Variants in HPF1 observed in about 807,000 individuals in gnomAD.
HPF1 encodes UPF0609 protein C4orf27.
A neutral mutation model predicts 38.8 loss-of-function variants in HPF1; 35 were observed. The ratio of observed to expected loss-of-function variants is 0.90; its 90% CI spans 0.69 to 1.19. The LOEUF is 1.19. HPF1 is among the 50% of genes most tolerant of loss of function. HPF1 has a pLI of 0.00. For missense variants in HPF1, 367 were observed against 405.8 expected (o/e 0.90, Z 0.82); for synonymous variants, 115 against 139.2 (o/e 0.83, Z 1.22).
intron 6 of HPF1, among the ~76,000 whole-genome samples, chr4:169,733,928 A>T (rs1733862637): frequency 6.6e-6 from 1 of 151,372 alleles, no homozygotes; most frequent in African/African-American, 2.4e-5. Context: ...CAAGGATGGT[A>T]TTAAAAATAT....
chr4:169,748,931 C>T, intron 3 of HPF1, 89 bp from the exon 4 acceptor site: 1 of 617,866 alleles, frequency 1.6e-6, no homozygotes, highest in Non-Finnish European at 2.9e-6. Context: ...CAACAATTTA[C>T]ACCTATTTTT....
rs142457813 is a variant in HPF1 at position 169,754,596 on chromosome 4, G to A, written c.49-761C>T. Among the ~76,000 whole-genome samples the A allele has an allele frequency of 4.0e-5, 6 of 151,736 alleles. No homozygotes were observed. The East Asian group carries it at 7.7e-4, about 20-fold the overall frequency. ...GACAATATGCTTAATTGGAAGTTACGTATGTTTAGTTTTCTAAGCAGCAAT... is the reference window on the plus strand; with the variant it reads ...GACAATATGCTTAATTGGAAGTTACATATGTTTAGTTTTCTAAGCAGCAAT... On this transcript the variant is annotated intron_variant, in intron 1 of 7. Transcript: ENST00000393381.
At chr4:169,750,841 C>A (rs1441140290) in intron 2 of HPF1, 116 bp from the exon 3 acceptor site, 3 of 733,528 alleles carry the variant, frequency 4.1e-6, no homozygotes, top group Admixed American at 3.0e-5. Flanking sequence ...CTAAAAAAAT[C>A]TTGAGTTATG....
chr4:169,744,675 A>G (rs1385750338), intron 4 of HPF1, among the ~76,000 whole-genome samples: 5 of 152,238 alleles, frequency 3.3e-5, no homozygotes, highest in African/African-American at 1.2e-4. Context: ...TCACAGTGGT[A>G]TTACAAGTTT....
At chr4:169,747,532 A>G (rs1200704739) in intron 4 of HPF1, among the ~76,000 whole-genome samples, 1 of 152,196 alleles carries the variant, frequency 6.6e-6, no homozygotes, top group East Asian at 1.9e-4. Flanking sequence ...AAGATAATCT[A>G]CTTGTATTTG....
At chr4:169,740,976 T>C (rs1164326205) in intron 5 of HPF1, among the ~76,000 whole-genome samples, 1 of 152,226 alleles carries the variant, frequency 6.6e-6, no homozygotes, top group Non-Finnish European at 1.5e-5. Flanking sequence ...AGTCACAAAG[T>C]GGAAGAAGCT....
intron 6 of HPF1, among the ~76,000 whole-genome samples, chr4:169,735,076 G>A (rs1733875116): frequency 6.8e-6 from 1 of 147,134 alleles, no homozygotes; most frequent in African/African-American, 2.5e-5. Flanking sequence ...ACAGTGAGCT[G>A]ACACCCTACC....
At chr4:169,738,463 T>TAAAA in intron 5 of HPF1, among the ~76,000 whole-genome samples, 1 of 152,150 alleles carries the variant, frequency 6.6e-6, no homozygotes, top group Admixed American at 6.5e-5. Context: ...ATTCCACTTC[T>TAAAA]TTGTGCAATT....
At chr4:169,743,426 T>C (rs1369971825) in intron 4 of HPF1, among the ~76,000 whole-genome samples, 2 of 148,428 alleles carry the variant, frequency 1.3e-5, no homozygotes, top group Non-Finnish European at 3.0e-5. Context: ...TTTTTTTTTT[T>C]TTTTTTTTCA....
intron 2 of HPF1, among the ~76,000 whole-genome samples, chr4:169,752,571 T>A (rs1326124398): frequency 6.6e-6 from 1 of 152,100 alleles, no homozygotes. Flanking sequence ...GTACTCTCTC[T>A]CCCCCATGCT....
intron 6 of HPF1, among the ~76,000 whole-genome samples, chr4:169,732,919 A>G (rs1733848522): frequency 1.3e-5 from 2 of 152,144 alleles, no homozygotes; most frequent in South Asian, 4.1e-4. Context: ...TTCTACACCA[A>G]CTTATTTGAG....
rs140726526 is a variant in HPF1 at position 169,739,953 on chromosome 4, G to T, written c.648+2004C>A. Among the ~76,000 whole-genome samples, 892 of 152,328 alleles carry T rather than the reference G, an allele frequency of 5.9e-3. 7 individuals carry two copies. The highest frequency in any genetic ancestry group is 0.021 in the African/African-American group (853 of 41,568). ...TAATATGTTCAGATTTTTCACAGAT[G>T]ATTACCTGTACTAATTGTCCATGAA... On this transcript the variant is annotated intron_variant, in intron 5 of 7. Transcript: ENST00000393381.
chr4:169,741,875 G>C, intron 5 of HPF1, 82 bp downstream of exon 5: 1 of 1,151,130 alleles, frequency 8.7e-7, no homozygotes, highest in Non-Finnish European at 1.3e-6. Flanking sequence ...GGGAAGAGAA[G>C]GGTAAAGTAG....
chr4:169,731,610 G>C (rs1733828924), intron 7 of HPF1, 94 bp downstream of exon 7: 1 of 921,102 alleles, frequency 1.1e-6, no homozygotes, highest in Non-Finnish European at 1.6e-6. Flanking sequence ...GAATTTGGGG[G>C]TATAAATGTG....
In HPF1 at chr4:169,731,743, C is replaced by T; in HGVS notation, c.870G>A (p.Gly290=). 3 of 1,583,328 alleles carry T rather than the reference C, an allele frequency of 1.9e-6. No individual in the cohort carries two copies. Among genetic ancestry groups the T allele is most frequent in the Non-Finnish European group, 1.7e-6 (2 of 1,169,216 alleles). The part of the protein sequence containing the change: ...FANDECDYGM[G]LELGMDLFCY... ...AAAAGAGATCCATTCCCAATTCAAG[C>T]CCCATGCCATAATCACATTCATCAT... The change falls in exon 7 of 8, where the codon GGG becomes GGA. Residue 290 remains glycine (G), a synonymous_variant. Coordinates refer to ENST00000393381, the MANE Select transcript of HPF1 (RefSeq NM_017867.3).
chr4:169,756,655 T>C (rs1408170630), intron 1 of HPF1, among the ~76,000 whole-genome samples: 3 of 152,208 alleles, frequency 2.0e-5, no homozygotes, highest in Non-Finnish European at 2.9e-5. Context: ...TGTTATTATA[T>C]GTAAAAATAC....
intron 5 of HPF1, among the ~76,000 whole-genome samples, chr4:169,739,135 TAATA>T (rs1455125857): frequency 6.6e-6 from 1 of 152,012 alleles, no homozygotes; most frequent in Non-Finnish European, 1.5e-5. Context: ...ATTTAAAGCA[TAATA>T]AATAAAAAAT....
intron 4 of HPF1, among the ~76,000 whole-genome samples, chr4:169,746,309 G>C (rs1734046094): frequency 6.6e-6 from 1 of 152,148 alleles, no homozygotes; most frequent in Non-Finnish European, 1.5e-5. Context: ...ACAGCTAGAA[G>C]TGAAATTGCT....
chr4:169,733,039 T>C (rs1334434401), intron 6 of HPF1, among the ~76,000 whole-genome samples: 1 of 152,154 alleles, frequency 6.6e-6, no homozygotes. Context: ...TGTCCTACCT[T>C]GTTTGCTAAA....
Sources: allele counts gnomAD v4.1 joint callset (sites outside exome capture counted in the v4.1 genomes callset), GRCh38; gene constraint gnomAD v4.1.1; transcripts MANE v1.5; gene names NCBI Gene and HGNC (gene_info 2026-07-23, HGNC 2026-07-21).